The following CTDSPL2 variants were observed in gnomAD, a reference collection of about 807,000 sequenced individuals.
CTDSPL2 encodes CTD small phosphatase like 2.
A neutral mutation model predicts 60.0 loss-of-function variants in CTDSPL2; 5 were observed. The ratio of observed to expected loss-of-function variants is 0.08; its 90% CI spans 0.04 to 0.18. The LOEUF (loss-of-function observed/expected upper bound fraction) is 0.18, where lower values mean the gene tolerates loss of function less well. Ranked by LOEUF, CTDSPL2 falls within the 10% of genes least tolerant of loss-of-function variation. The pLI, the probability that CTDSPL2 is intolerant of heterozygous loss-of-function variation, is 1.00. For missense variants in CTDSPL2, 370 were observed against 548.8 expected (o/e 0.67, Z 3.26); for synonymous variants, 186 against 189.3 (o/e 0.98, Z 0.14).
intron 1 of CTDSPL2, among the ~76,000 whole-genome samples, chr15:44,435,573 CA>C (rs1238408347): frequency 6.2e-4 from 79 of 127,298 alleles, no homozygotes; most frequent in African/African-American, 6.3e-4. Context: ...GTCTCAAAAC[CA>C]AAAAAAAAAA....
At chr15:44,462,036 A>G (rs8026945) in intron 2 of CTDSPL2, among the ~76,000 whole-genome samples, 15,231 of 152,116 alleles carry the variant, frequency 0.1, 1,589 homozygotes, top group African/African-American at 0.25. Context: ...TTGACTTCCC[A>G]GCTCAGGTGA....
chr15:44,492,064 T>C (rs944329314), intron 5 of CTDSPL2, among the ~76,000 whole-genome samples: 7 of 152,110 alleles, frequency 4.6e-5, no homozygotes, highest in African/African-American at 1.7e-4. Flanking sequence ...AGACCAGGTT[T>C]CATCATGTTG....
intron 5 of CTDSPL2, among the ~76,000 whole-genome samples, chr15:44,494,001 A>G (rs954372561): frequency 1.3e-5 from 2 of 152,166 alleles, no homozygotes; most frequent in Non-Finnish European, 2.9e-5. Context: ...AATACATGAT[A>G]ATTGCACAAA....
chr15:44,445,895 T>C (rs115568575), intron 1 of CTDSPL2, among the ~76,000 whole-genome samples: 15,084 of 150,166 alleles, frequency 0.1, 1,595 homozygotes, highest in African/African-American at 0.25. Flanking sequence ...CCTCGGCCTG[T>C]CAAACTGCTG....
rs1257448074 is a variant in CTDSPL2 at position 44,521,382 on chromosome 15, A to G, written c.1311A>G (p.Pro437=). 1 of 1,590,172 alleles carries G rather than the reference A, an allele frequency of 6.3e-7. No individual in the cohort carries two copies. The highest frequency in any genetic ancestry group is 8.6e-7 in the Non-Finnish European group (1 of 1,161,518). ...KNDNELLKLI[P]FLEKLVELNE... ...ACAATGAACTCCTAAAATTGATTCC[A>G]TTCCTGGAGAAGCTTGTAGAACTGG... is the stretch of plus-strand genomic sequence containing the variant. Residue 437 remains proline, a synonymous_variant, in exon 12 of 13, where the codon CCA becomes CCG. Transcript: ENST00000260327.
At chr15:44,439,402 A>G (rs970651185) in intron 1 of CTDSPL2, among the ~76,000 whole-genome samples, 2 of 151,604 alleles carry the variant, frequency 1.3e-5, no homozygotes, top group African/African-American at 2.4e-5. Context: ...CTGCCCCCCC[A>G]TCCCCAGCCG....
chr15:44,473,593 C>A (rs1422811924), intron 2 of CTDSPL2, among the ~76,000 whole-genome samples: 2 of 151,498 alleles, frequency 1.3e-5, no homozygotes, highest in African/African-American at 4.8e-5. Flanking sequence ...CTGCGCCCAG[C>A]CGTATCCCTA....
At chr15:44,430,506 C>T (rs1240237152) in intron 1 of CTDSPL2, among the ~76,000 whole-genome samples, 2 of 151,772 alleles carry the variant, frequency 1.3e-5, no homozygotes, top group Non-Finnish European at 2.9e-5. Context: ...CTCAGCCTCC[C>T]AAAGTGCTGG....
chr15:44,467,076 C>G (rs1464624368), intron 2 of CTDSPL2, among the ~76,000 whole-genome samples: 1 of 152,138 alleles, frequency 6.6e-6, no homozygotes, highest in African/African-American at 2.4e-5. Context: ...TATAATCTTA[C>G]GAGACCACTG....
intron 4 of CTDSPL2, among the ~76,000 whole-genome samples, chr15:44,489,240 T>C (rs1036860943): frequency 1.3e-5 from 2 of 150,786 alleles, no homozygotes; most frequent in African/African-American, 4.9e-5. Context: ...TTTTGTTCCA[T>C]AGCCTGCAAC....
intron 1 of CTDSPL2, among the ~76,000 whole-genome samples, chr15:44,443,594 A>G (rs1172676775): frequency 6.6e-6 from 1 of 152,108 alleles, no homozygotes; most frequent in Non-Finnish European, 1.5e-5. Context: ...TTTTGATACT[A>G]GTCATCTAAA....
intron 1 of CTDSPL2, among the ~76,000 whole-genome samples, chr15:44,445,277 T>G (rs1414966834): frequency 6.6e-6 from 1 of 152,050 alleles, no homozygotes; most frequent in East Asian, 1.9e-4. Context: ...AGCTTCGACT[T>G]CCCAGGCTCA....
chr15:44,464,732 A>T (rs1419641407), intron 2 of CTDSPL2, among the ~76,000 whole-genome samples: 1 of 151,976 alleles, frequency 6.6e-6, no homozygotes, highest in Admixed American at 6.6e-5. Context: ...TGTGAGACAG[A>T]GTCTCTCTCT....
chr15:44,436,848 C>G (rs891215810), intron 1 of CTDSPL2, among the ~76,000 whole-genome samples: 4 of 152,128 alleles, frequency 2.6e-5, no homozygotes, highest in African/African-American at 9.7e-5. Flanking sequence ...ATGCATGACA[C>G]ATCAGAACAG....
At chr15:44,482,136 C>G (rs1484179676) in intron 2 of CTDSPL2, among the ~76,000 whole-genome samples, 1 of 152,188 alleles carries the variant, frequency 6.6e-6, no homozygotes. Flanking sequence ...TCCAAGTTAT[C>G]TCTGGTGGTC....
chr15:44,432,178 T>C (rs2079873604), intron 1 of CTDSPL2, among the ~76,000 whole-genome samples: 1 of 152,006 alleles, frequency 6.6e-6, no homozygotes, highest in Non-Finnish European at 1.5e-5. Context: ...TAAGGAATAG[T>C]GAGACTGAGT....
In CTDSPL2 at chr15:44,459,111, A is replaced by G. The variant is rs748256075; in HGVS notation, c.97A>G (p.Ser33Gly). Residue 33 changes from serine to glycine, a missense_variant, in exon 2 of 13, where the codon AGC becomes GGC. Physicochemically the swap from Ser to Gly is moderately conservative, Grantham distance 56. Transcript: ENST00000260327. ...GAGGAAATATTCAGAGGTTGATGAT[A>G]GCCTGCCTTCAGGAGGAGAAAAACC... ...AKRKYSEVDD[S>G]LPSGGEKPSK... 6.2e-7 allele frequency: 1 copy of G among 1,613,408 alleles called. No individual in the cohort carries two copies. The highest frequency in any genetic ancestry group is 8.5e-7 in the Non-Finnish European group (1 of 1,179,612).
intron 5 of CTDSPL2, among the ~76,000 whole-genome samples, chr15:44,495,899 C>G (rs980812668): frequency 6.6e-6 from 1 of 151,946 alleles, no homozygotes; most frequent in Non-Finnish European, 1.5e-5. Context: ...GCCATTTGCA[C>G]TCTAGCCTGG....
intron 2 of CTDSPL2, among the ~76,000 whole-genome samples, chr15:44,480,055 A>C (rs2080997266): frequency 6.6e-6 from 1 of 151,948 alleles, no homozygotes; most frequent in Admixed American, 6.6e-5. Context: ...TGCCTGCCCT[A>C]CTCACATTTG....
Sources: allele counts gnomAD v4.1 joint callset (sites outside exome capture counted in the v4.1 genomes callset), GRCh38; gene constraint gnomAD v4.1.1; transcripts MANE v1.5; gene names NCBI Gene and HGNC (gene_info 2026-07-23, HGNC 2026-07-21).